The following SLC6A3 variants were observed in gnomAD, a reference collection of about 807,000 sequenced individuals.
The protein encoded by SLC6A3 is sodium-dependent dopamine transporter.
A neutral mutation model predicts 70.4 loss-of-function variants in SLC6A3; 19 were observed. That is an observed-to-expected ratio of 0.27 (90% CI 0.19 to 0.40). The LOEUF is 0.40. Among genes scored for constraint, SLC6A3 ranks in the 10% least tolerant of loss-of-function variants. The pLI, the probability that SLC6A3 is intolerant of heterozygous loss-of-function variation, is 1.00. For missense variants in SLC6A3, 613 were observed against 838.5 expected (o/e 0.73, Z 3.32); for synonymous variants, 368 against 356.6 (o/e 1.03, Z -0.36).
intron 8 of SLC6A3, among the ~76,000 whole-genome samples, chr5:1,414,467 GCGC>G (rs1341800273): frequency 4.3e-4 from 58 of 135,030 alleles, no homozygotes; most frequent in African/African-American, 1.5e-3. Context: ...GGCGGGGAAG[GCGC>G]TGGGTGGGGG....
At chr5:1,399,198 T>G (rs1343073130) in intron 14 of SLC6A3, among the ~76,000 whole-genome samples, 4 of 152,196 alleles carry the variant, frequency 2.6e-5, no homozygotes, top group African/African-American at 9.7e-5. Flanking sequence ...TCCCCATATA[T>G]TTGGCAATTT....
intron 3 of SLC6A3, among the ~76,000 whole-genome samples, chr5:1,439,418 G>A (rs1756920442): frequency 1.3e-5 from 2 of 152,206 alleles, no homozygotes; most frequent in Admixed American, 6.5e-5. Context: ...AATTACTGAA[G>A]TCATAAGATT....
At chr5:1,424,579 C>G (rs1300995662) in intron 4 of SLC6A3, among the ~76,000 whole-genome samples, 19 of 152,248 alleles carry the variant, frequency 1.2e-4, no homozygotes, top group Admixed American at 1.2e-3. Flanking sequence ...CACACCCTCT[C>G]CCCTTGCCCA....
chr5:1,408,679 A>G lies in SLC6A3; in HGVS notation c.1498+347T>C, dbSNP rs1756044339. Among the ~76,000 whole-genome samples the G allele has an allele frequency of 6.6e-6, 1 of 152,206 alleles. No individual in the cohort carries two copies. The highest frequency in any genetic ancestry group is 2.1e-4 in the South Asian group (1 of 4,834). ...GGAAGGCGATGACGGCACCTTTGAA[A>G]GGCACCATGTCACATCCCTGCTGAA... On this transcript the variant is annotated intron_variant, in intron 11 of 14. Coordinates refer to ENST00000270349, the MANE Select transcript of SLC6A3 (RefSeq NM_001044.5). This position sits in a 1 kb window ranked among gnomAD's most constrained non-coding sequence, Gnocchi z 6.4.
intron 7 of SLC6A3, 109 bp downstream of exon 7, chr5:1,415,989 G>C: frequency 3.6e-6 from 3 of 822,768 alleles, no homozygotes; most frequent in Non-Finnish European, 6.3e-6. Context: ...ACAGGTTTGC[G>C]GGTTCAGTGG....
In SLC6A3 at chr5:1,436,993, T is replaced by A. The variant is rs570288686; in HGVS notation, c.419-4295A>T. Among the ~76,000 whole-genome samples the A allele has an allele frequency of 3.2e-4, 48 of 152,324 alleles. No individual in the cohort carries two copies. The highest frequency in any genetic ancestry group is 1.0e-3 in the African/African-American group (42 of 41,580). ...AGGGCCGGGCACGGTGGCTCACTCC[T>A]GTAATCCCAGCACTTTGGGAGGCCA... On this transcript the variant is annotated intron_variant, in intron 3 of 14. Transcript: ENST00000270349. The surrounding 1 kb of genome is among the most constrained non-coding windows in gnomAD (Gnocchi z 5.2).
At chr5:1,428,817 T>C (rs1234550442) in intron 4 of SLC6A3, among the ~76,000 whole-genome samples, 3 of 152,224 alleles carry the variant, frequency 2.0e-5, no homozygotes, top group Admixed American at 6.5e-5. Context: ...CCAGAAGACA[T>C]GGCCAGCGTC....
intron 6 of SLC6A3, among the ~76,000 whole-genome samples, chr5:1,416,895 G>A (rs1756310125): frequency 6.6e-6 from 1 of 152,186 alleles, no homozygotes; most frequent in African/African-American, 2.4e-5. Context: ...CCTCGGAACA[G>A]CACAGATTCA....
chr5:1,401,050 G>A lies in SLC6A3; in HGVS notation c.1768-64C>T. The A allele has an allele frequency of 8.1e-7, 1 of 1,239,826 alleles. No homozygotes were observed. The highest frequency in any genetic ancestry group is 1.2e-6 in the Non-Finnish European group (1 of 860,628). The allele number at this position is 1,239,826 out of a possible 1,614,324, so 76.8% of individuals were successfully genotyped here. A position where few individuals can be genotyped will look rare whatever the true frequency, so the allele number is the denominator to read the frequency against. On this transcript the variant is annotated intron_variant, in intron 13 of 14. Coordinates refer to ENST00000270349, the MANE Select transcript of SLC6A3 (RefSeq NM_001044.5). This position sits in a 1 kb window ranked among gnomAD's most constrained non-coding sequence, Gnocchi z 6.1. Reference sequence around the variant, plus strand: ...GTACCCACTGCCAGCACCCACCACTGACTCACACTGCCAGGACCCTCACCT... The same window carrying A: ...GTACCCACTGCCAGCACCCACCACTAACTCACACTGCCAGGACCCTCACCT...
At chr5:1,423,910 C>A (rs958236578) in intron 4 of SLC6A3, among the ~76,000 whole-genome samples, 13 of 152,194 alleles carry the variant, frequency 8.5e-5, no homozygotes, top group African/African-American at 3.1e-4. Flanking sequence ...ACTGAGGTCC[C>A]CAGGAGATAA....
At chr5:1,428,714 T>G (rs1385198537) in intron 4 of SLC6A3, among the ~76,000 whole-genome samples, 2 of 152,214 alleles carry the variant, frequency 1.3e-5, no homozygotes, top group East Asian at 1.9e-4. Context: ...TGAGGAACAC[T>G]GGGTGTAGGA....
In SLC6A3 at chr5:1,402,182, C is replaced by A. The variant is rs1755865779; in HGVS notation, c.1767+740G>T. ...TGAGAAAGGCTGGGATTTGAGGAAG[C>A]AGCTTCCGGGAGTTCCCAGTGGTGG... On this transcript the variant is annotated intron_variant, in intron 13 of 14. Transcript: ENST00000270349. The surrounding 1 kb of genome is among the most constrained non-coding windows in gnomAD (Gnocchi z 8.5). Among the ~76,000 whole-genome samples the A allele has an allele frequency of 6.6e-6, 1 of 151,956 alleles. No individual in the cohort carries two copies. Among genetic ancestry groups the A allele is most frequent in the African/African-American group, 2.4e-5 (1 of 41,344 alleles).
intron 4 of SLC6A3, among the ~76,000 whole-genome samples, chr5:1,426,880 T>C (rs1296471499): frequency 6.6e-6 from 1 of 152,196 alleles, no homozygotes; most frequent in Non-Finnish European, 1.5e-5. Flanking sequence ...TTGCACAACA[T>C]GTGATTGTAC....
chr5:1,422,386 G>T (rs908706350), intron 4 of SLC6A3, among the ~76,000 whole-genome samples: 2 of 145,358 alleles, frequency 1.4e-5, no homozygotes, highest in African/African-American at 5.1e-5. Context: ...TGCTGCCCAA[G>T]GTGCTGGGTG....
At chr5:1,417,041 G>A (rs1300447005) in intron 6 of SLC6A3, among the ~76,000 whole-genome samples, 1 of 147,240 alleles carries the variant, frequency 6.8e-6, no homozygotes, top group Non-Finnish European at 1.5e-5. Flanking sequence ...GCCCTAGCGG[G>A]GTCTCCATCC....
At chr5:1,425,923 G>C (rs376315237) in intron 4 of SLC6A3, among the ~76,000 whole-genome samples, 2 of 152,284 alleles carry the variant, frequency 1.3e-5, no homozygotes, top group South Asian at 4.1e-4. Flanking sequence ...ATGCCCAACA[G>C]TCACTAATCA....
chr5:1,443,254 A>G lies in SLC6A3; in HGVS notation c.-45-12T>C, dbSNP rs1034945594. ...TCTTCCCTCTTGGTCTTCAGCCAAT[A>G]TGAAAAATAAACACACAACAGGAAC... is the stretch of plus-strand genomic sequence containing the variant. On this transcript the variant is annotated splice_polypyrimidine_tract_variant and intron_variant, in intron 1 of 14. Coordinates refer to ENST00000270349, the MANE Select transcript of SLC6A3 (RefSeq NM_001044.5). 6.3e-7 allele frequency: 1 copy of G among 1,588,362 alleles called. No individual in the cohort carries two copies. The highest frequency in any genetic ancestry group is 8.6e-7 in the Non-Finnish European group (1 of 1,158,536).
At position 1,401,246 on chromosome 5, in the gene SLC6A3, A is replaced by C; in HGVS notation, c.1768-260T>G. ...CCCTTAAAGTCTAGCGCAGAGCAGA[A>C]CATCAGCATTTGAGCACTCGCTTGA... On this transcript the variant is annotated intron_variant, in intron 13 of 14. Coordinates refer to ENST00000270349, the MANE Select transcript of SLC6A3 (RefSeq NM_001044.5). The surrounding 1 kb of genome is among the most constrained non-coding windows in gnomAD (Gnocchi z 6.1). 1 of 680,264 alleles carries C rather than the reference A, an allele frequency of 1.5e-6. No individual in the cohort carries two copies. The highest frequency in any genetic ancestry group is 2.7e-6 in the Non-Finnish European group (1 of 370,708). 42.1% of individuals were successfully genotyped at this position (680,264 alleles called of 1,614,324 possible).
At chr5:1,414,459 C>CA (rs1756214991) in intron 8 of SLC6A3, among the ~76,000 whole-genome samples, 9 of 72,592 alleles carry the variant, frequency 1.2e-4, no homozygotes, top group Non-Finnish European at 1.7e-4. Context: ...AGGGGCAGGG[C>CA]GGGGAAGGCG....
Sources: allele counts gnomAD v4.1 joint callset (sites outside exome capture counted in the v4.1 genomes callset), GRCh38; gene constraint gnomAD v4.1.1; non-coding constraint Gnocchi (gnomAD v3.1); transcripts MANE v1.5; gene names NCBI Gene and HGNC (gene_info 2026-07-23, HGNC 2026-07-21).